Variants in MYO3B observed in about 807,000 individuals in gnomAD.
The protein encoded by MYO3B is myosin IIIB.
A neutral mutation model predicts 174.6 loss-of-function variants in MYO3B; 156 were observed. The ratio of observed to expected loss-of-function variants is 0.89; its 90% CI spans 0.78 to 1.02. The LOEUF is 1.02. MYO3B is among the 50% of genes least tolerant of loss of function. The probability of loss-of-function intolerance (pLI) is 0.00; values close to 1 mark genes in which losing one functional copy is unlikely to be tolerated. For missense variants in MYO3B, 1,632 were observed against 1,639.4 expected (o/e 1.00, Z 0.08); for synonymous variants, 563 against 569.1 (o/e 0.99, Z 0.15).
In MYO3B at chr2:170,556,171, G is replaced by A. The variant is rs567394712; in HGVS notation, c.3733+12183G>A. On this transcript the variant is annotated intron_variant, in intron 32 of 34. Transcript: ENST00000408978. ...AGATCACGCCATTGAACTCCAGCCT[G>A]GGCAACAGACCAAGACTCTGTCTAG... Among the ~76,000 whole-genome samples the A allele has an allele frequency of 1.3e-3, 192 of 151,804 alleles. 1 individual carries two copies. Among genetic ancestry groups the A allele is most frequent in the Non-Finnish European group, 2.3e-3 (153 of 67,966 alleles).
At chr2:170,327,613 C>T (rs2093878384) in intron 7 of MYO3B, among the ~76,000 whole-genome samples, 1 of 152,066 alleles carries the variant, frequency 6.6e-6, no homozygotes. Context: ...TTACACATCT[C>T]TTCTTCTCTT....
chr2:170,350,142 C>T (rs942510974), intron 8 of MYO3B, among the ~76,000 whole-genome samples: 8 of 152,074 alleles, frequency 5.3e-5, no homozygotes, highest in Non-Finnish European at 1.2e-4. Context: ...GCTGGGATTA[C>T]AGGCACGTGC....
At chr2:170,510,363 G>T (rs1437860163) in intron 28 of MYO3B, among the ~76,000 whole-genome samples, 1 of 152,090 alleles carries the variant, frequency 6.6e-6, no homozygotes, top group Non-Finnish European at 1.5e-5. Flanking sequence ...TTCAGTTTGA[G>T]AACACTAGAT....
chr2:170,479,416 G>A (rs1457199662), intron 25 of MYO3B, among the ~76,000 whole-genome samples: 3 of 145,194 alleles, frequency 2.1e-5, no homozygotes, highest in African/African-American at 7.5e-5. Context: ...TTATATAGAT[G>A]TGTGTATATG....
intron 25 of MYO3B, among the ~76,000 whole-genome samples, chr2:170,489,669 CTGGG>C (rs1344686056): frequency 3.3e-5 from 3 of 89,902 alleles, no homozygotes; most frequent in Non-Finnish European, 7.8e-5. Context: ...GTGTGTGTGT[CTGGG>C]TAAGTGTGGG....
intron 32 of MYO3B, among the ~76,000 whole-genome samples, chr2:170,588,316 G>A (rs1272778862): frequency 6.6e-6 from 1 of 152,104 alleles, no homozygotes; most frequent in Admixed American, 6.5e-5. Context: ...GCACATACCT[G>A]TAGTCCTAGC....
intron 26 of MYO3B, among the ~76,000 whole-genome samples, chr2:170,499,193 C>T (rs993331156): frequency 1.3e-5 from 2 of 152,178 alleles, no homozygotes; most frequent in Non-Finnish European, 2.9e-5. Flanking sequence ...TAAAACCAGC[C>T]TCTGCCTGAG....
intron 7 of MYO3B, among the ~76,000 whole-genome samples, chr2:170,326,716 C>T (rs958252441): frequency 6.6e-6 from 1 of 152,176 alleles, no homozygotes; most frequent in Non-Finnish European, 1.5e-5. Context: ...CCCCAATGTG[C>T]TTTAGAGATA....
chr2:170,544,595 C>T (rs1039837465), intron 32 of MYO3B, among the ~76,000 whole-genome samples: 7 of 152,180 alleles, frequency 4.6e-5, no homozygotes, highest in Non-Finnish European at 8.8e-5. Context: ...AAAAGAAATG[C>T]TCCTGATGTT....
intron 30 of MYO3B, among the ~76,000 whole-genome samples, chr2:170,534,608 A>C (rs1689568283): frequency 6.6e-6 from 1 of 152,052 alleles, no homozygotes; most frequent in Non-Finnish European, 1.5e-5. Context: ...ACCACGCCTG[A>C]CTAAATTTTT....
At position 170,305,253 on chromosome 2, in the gene MYO3B, T is replaced by C. The variant is rs556426728; in HGVS notation, c.750-30132T>C. On this transcript the variant is annotated intron_variant, in intron 7 of 34. Transcript: ENST00000408978. The stretch of plus-strand genomic sequence containing the variant: ...CTTTCCTAGTGATTTGGAGTATCTA[T>C]CCTACACTAAAACGTTACATACACA... Among the ~76,000 whole-genome samples the C allele has an allele frequency of 2.6e-5, 4 of 152,278 alleles. No individual in the cohort carries two copies. In the East Asian group the frequency reaches 7.7e-4, roughly 29 times the overall value.
At chr2:170,387,024 G>T in intron 13 of MYO3B, 82 bp from the exon 14 acceptor site, 1 of 1,348,954 alleles carries the variant, frequency 7.4e-7, no homozygotes, top group Non-Finnish European at 1.0e-6. Context: ...TGTGGATTTT[G>T]GTGGGCAAGG....
Position 170,383,015 on chromosome 2 carries a change from G to C in MYO3B, c.1069-58G>C, listed in dbSNP as rs2094346712. The stretch of plus-strand genomic sequence containing the variant: ...AAGAATAAATTTGTTGTCATTTTTA[G>C]AATCTATCCCTTGACTGGGAATAAT... On this transcript the variant is annotated intron_variant, in intron 10 of 34. Transcript: ENST00000408978. The C allele has an allele frequency of 5.6e-6, 6 of 1,069,358 alleles. 1 individual carries two copies. In the Admixed American group the frequency reaches 7.4e-5, roughly 13 times the overall value. 66.2% of individuals were successfully genotyped at this position (1,069,358 alleles called of 1,614,324 possible). A position where few individuals can be genotyped will look rare whatever the true frequency, so the allele number is the denominator to read the frequency against.
intron 32 of MYO3B, among the ~76,000 whole-genome samples, chr2:170,639,716 T>C (rs1697812505): frequency 6.6e-6 from 1 of 152,202 alleles, no homozygotes; most frequent in East Asian, 1.9e-4. Flanking sequence ...ATATTTTGCT[T>C]TAAAGATAGT....
intron 32 of MYO3B, among the ~76,000 whole-genome samples, chr2:170,607,229 A>G (rs1482975274): frequency 6.6e-6 from 1 of 152,244 alleles, no homozygotes; most frequent in Non-Finnish European, 1.5e-5. Context: ...ACAAACTAAT[A>G]AAGTGTACAT....
At chr2:170,203,694 C>A (rs982577501) in intron 3 of MYO3B, among the ~76,000 whole-genome samples, 3 of 152,124 alleles carry the variant, frequency 2.0e-5, no homozygotes, top group Non-Finnish European at 4.4e-5. Context: ...GTTAACAAAT[C>A]AGGGTCTTAG....
intron 32 of MYO3B, among the ~76,000 whole-genome samples, chr2:170,575,778 A>G (rs1055867716): frequency 5.3e-5 from 8 of 152,206 alleles, no homozygotes; most frequent in African/African-American, 1.7e-4. Flanking sequence ...TACATATTCT[A>G]TACTTTAAAA....
intron 32 of MYO3B, among the ~76,000 whole-genome samples, chr2:170,552,486 TGG>T (rs1282553122): frequency 1.3e-5 from 2 of 152,182 alleles, no homozygotes; most frequent in Non-Finnish European, 2.9e-5. Context: ...TTAGGATATC[TGG>T]TAGAAGAAAT....
chr2:170,388,357 G>A (rs536076358), intron 14 of MYO3B, among the ~76,000 whole-genome samples: 1 of 152,212 alleles, frequency 6.6e-6, no homozygotes, highest in East Asian at 1.9e-4. Flanking sequence ...AAGGTGAAAC[G>A]AGAGAAGGGA....
Sources: allele counts gnomAD v4.1 joint callset (sites outside exome capture counted in the v4.1 genomes callset), GRCh38; gene constraint gnomAD v4.1.1; transcripts MANE v1.5; gene names NCBI Gene and HGNC (gene_info 2026-07-23, HGNC 2026-07-21).